Variants in ZC3H11A observed in about 807,000 individuals in gnomAD.
The protein encoded by ZC3H11A is zinc finger CCCH domain-containing protein 11A.
Under a neutral mutation model 90.8 loss-of-function variants are expected in ZC3H11A, and 22 were observed. The observed-to-expected ratio is 0.24, with a 90% CI of 0.17 to 0.35. The LOEUF (loss-of-function observed/expected upper bound fraction) is 0.35, where lower values mean the gene tolerates loss of function less well. Ranked by LOEUF, ZC3H11A falls within the 10% of genes least tolerant of loss-of-function variation. The pLI is 1.00. For synonymous variants in ZC3H11A, 294 were observed against 339.8 expected, an observed-to-expected ratio of 0.87 and a Z score of 1.48; for missense variants, 701 against 964.9, an observed-to-expected ratio of 0.73 and a Z score of 3.62.
At chr1:203,851,815 TAAAA>T (rs111499575) in intron 17 of ZC3H11A, among the ~76,000 whole-genome samples, 1 of 147,220 alleles carries the variant, frequency 6.8e-6, no homozygotes. Flanking sequence ...ATCAAAGAAA[TAAAA>T]AAAAAATCAC....
intron 4 of ZC3H11A, among the ~76,000 whole-genome samples, chr1:203,819,162 G>T (rs1677479017): frequency 6.8e-6 from 1 of 146,602 alleles, no homozygotes. Flanking sequence ...ACACACACGT[G>T]TATATATGTG....
intron 3 of ZC3H11A, among the ~76,000 whole-genome samples, chr1:203,817,675 A>G (rs1380577800): frequency 2.6e-5 from 4 of 151,972 alleles, no homozygotes; most frequent in Non-Finnish European, 4.4e-5. Flanking sequence ...ACATATACCT[A>G]TTGCTTTCTG....
intron 1 of ZC3H11A, chr1:203,798,055 C>T (rs1011700985): frequency 6.5e-7 from 1 of 1,535,466 alleles, no homozygotes; most frequent in Non-Finnish European, 8.7e-7. Context: ...CATCTGCAAG[C>T]AAGGCATTCA....
chr1:203,799,781 C>G (rs772926694), intron 1 of ZC3H11A: 81 of 1,036,460 alleles, frequency 7.8e-5, no homozygotes, highest in Non-Finnish European at 2.0e-5. Context: ...AAACAGATAC[C>G]CTACTAAGTG....
At chr1:203,822,275 T>C (rs1038675894) in intron 4 of ZC3H11A, among the ~76,000 whole-genome samples, 2 of 152,032 alleles carry the variant, frequency 1.3e-5, no homozygotes, top group African/African-American at 4.8e-5. Context: ...GCTTTTTCCT[T>C]CCTCTCAGGC....
At chr1:203,796,475 C>T (rs953598202) in intron 1 of ZC3H11A, 21 of 399,034 alleles carry the variant, frequency 5.3e-5, no homozygotes, top group Non-Finnish European at 4.4e-5. Context: ...TAATGAAGAA[C>T]ACCCCTAAAC....
chr1:203,798,783 G>A, intron 1 of ZC3H11A: 1 of 1,536,124 alleles, frequency 6.5e-7, no homozygotes, highest in Non-Finnish European at 8.7e-7. Flanking sequence ...GATTGTGGAG[G>A]ATATGCATCC....
At chr1:203,843,669 T>C (rs1687100708) in intron 12 of ZC3H11A, among the ~76,000 whole-genome samples, 1 of 152,218 alleles carries the variant, frequency 6.6e-6, no homozygotes, top group African/African-American at 2.4e-5. Context: ...CAAAACTTCA[T>C]TTACAAAATT....
intron 2 of ZC3H11A, among the ~76,000 whole-genome samples, chr1:203,812,578 A>ATTTTTTTTTTT (rs386369376): frequency 9.1e-6 from 1 of 109,316 alleles, no homozygotes; most frequent in African/African-American, 3.7e-5. Context: ...GCCATTCTAA[A>ATTTTTTTTTTT]TTTTTTTTTT....
At position 203,828,407 on chromosome 1, in the gene ZC3H11A, C is replaced by T. The variant is rs145869986; in HGVS notation, c.283C>T (p.Leu95=). 96 of 1,612,652 alleles carry T rather than the reference C, an allele frequency of 6.0e-5. No homozygotes were observed. In the African/African-American group the frequency reaches 1.1e-3, roughly 18 times the overall value. The part of the protein sequence containing the change: ...NRGRYVDGLF[L]PPSKTVLPTV... ...AGGACGATATGTTGATGGCCTTTTC[C>T]TACCTCCGAGCAAAAGTGAGATCAG... The change falls in exon 5 of 18, where the codon CTA becomes TTA. Residue 95 remains leucine, a synonymous_variant. Coordinates refer to ENST00000367210, the MANE Select transcript of ZC3H11A (RefSeq NM_001376342.1).
At chr1:203,798,088 A>G (rs1322105439) in intron 1 of ZC3H11A, 3 of 1,536,154 alleles carry the variant, frequency 2.0e-6, no homozygotes, top group Non-Finnish European at 2.6e-6. Flanking sequence ...AGGGCCAACA[A>G]GTTTGGAGTT....
rs59254922 is a variant in ZC3H11A at position 203,815,216 on chromosome 1, C to CTTTTTTTT, written c.-145-1701_-145-1694dup. On this transcript the variant is annotated intron_variant, in intron 2 of 17. Coordinates refer to ENST00000367210, the MANE Select transcript of ZC3H11A (RefSeq NM_001376342.1). Reference sequence around the variant, plus strand: ...TTCATTATTTTCTTCCTTTTCTTTTCTTTTTTTTTTTTTTTTGAGACAGTG... The same window carrying CTTTTTTTT: ...TTCATTATTTTCTTCCTTTTCTTTTCTTTTTTTTTTTTTTTTTTTTTTTTGAGACAGTG... 2.2e-3 allele frequency among the ~76,000 whole-genome samples: 215 copies of CTTTTTTTT among 97,094 alleles called. 13 individuals carry two copies. Among genetic ancestry groups the CTTTTTTTT allele is most frequent in the East Asian group, 0.01 (34 of 3,296 alleles). The allele number at this position is 97,094 out of a possible 152,430, so 63.7% of individuals were successfully genotyped here. A position where few individuals can be genotyped will look rare whatever the true frequency, so the allele number is the denominator to read the frequency against.
chr1:203,838,353 A>G (rs887881301), intron 11 of ZC3H11A, among the ~76,000 whole-genome samples: 10 of 152,242 alleles, frequency 6.6e-5, no homozygotes, highest in Non-Finnish European at 1.3e-4. Context: ...TGTTATGGTA[A>G]CACATAGGAG....
chr1:203,847,900 G>C (rs1050149821), intron 13 of ZC3H11A, among the ~76,000 whole-genome samples: 2 of 152,142 alleles, frequency 1.3e-5, no homozygotes, highest in African/African-American at 4.8e-5. Context: ...CTGTCACCCA[G>C]GCTGCAGTGC....
chr1:203,798,475 G>A, intron 1 of ZC3H11A: 1 of 1,536,100 alleles, frequency 6.5e-7, no homozygotes, highest in Non-Finnish European at 8.7e-7. Context: ...CCTATCCATT[G>A]GGCTGTTGCC....
In ZC3H11A at chr1:203,833,020, G is replaced by A. The variant is rs367845514; in HGVS notation, c.812-771G>A. Among the ~76,000 whole-genome samples the A allele has an allele frequency of 1.2e-4, 18 of 151,210 alleles. No individual in the cohort carries two copies. The South Asian group carries it at 3.6e-3, about 30-fold the overall frequency. ...AGGCTGAGGCGGGCGGATCGCTTGA[G>A]GCCAGGAGTTCAAGACCAGCCTGGC... On this transcript the variant is annotated intron_variant, in intron 9 of 17. Transcript: ENST00000367210.
chr1:203,839,126 C>T (rs371226304), intron 11 of ZC3H11A, among the ~76,000 whole-genome samples: 14 of 151,962 alleles, frequency 9.2e-5, no homozygotes, highest in Non-Finnish European at 1.6e-4. Context: ...CTAGATAAGA[C>T]GAGGTAGTGG....
Position 203,852,188 on chromosome 1 carries a change from A to C in ZC3H11A, c.2222A>C (p.Glu741Ala). The C allele has an allele frequency of 1.2e-6, 2 of 1,613,324 alleles. No individual in the cohort carries two copies. The highest frequency in any genetic ancestry group is 1.7e-6 in the Non-Finnish European group (2 of 1,179,760). ...TQSSSDSSPP[E>A]VSGPSSSQMS... ...TCCTCTTCAGATTCCTCACCCCCGG[A>C]GGTGTCTGGCCCTTCCTCATCCCAA... The change falls in exon 18 of 18, where the codon GAG becomes GCG. Residue 741 changes from glutamate (E) to alanine (A), a missense_variant. By Grantham distance (107) the Glu-to-Ala change is moderately radical. Transcript: ENST00000367210.
intron 3 of ZC3H11A, among the ~76,000 whole-genome samples, chr1:203,817,939 A>G (rs1392898555): frequency 6.6e-6 from 1 of 151,922 alleles, no homozygotes; most frequent in African/African-American, 2.4e-5. Context: ...TAGTACAGAC[A>G]GGGTTTCACG....
Sources: gnomAD v4.1 joint callset for allele counts (sites outside exome capture counted in the v4.1 genomes callset) on GRCh38, gnomAD v4.1.1 for gene constraint, MANE v1.5 for transcripts, NCBI Gene and HGNC (gene_info 2026-07-23, HGNC 2026-07-21) for gene names.